Variants in KCTD13 observed in about 807,000 individuals in gnomAD.
The protein encoded by KCTD13 is BTB/POZ domain-containing adapter for CUL3-mediated RhoA degradation protein 1.
KCTD13 carries 15 observed loss-of-function variants against 32.3 expected under a neutral mutation model. The observed-to-expected ratio is 0.46, with a 90% CI of 0.31 to 0.71. The LOEUF is 0.71. KCTD13 is among the 30% of genes least tolerant of loss of function. KCTD13 has a pLI of 0.05. For missense variants in KCTD13, 337 were observed against 452.6 expected, an observed-to-expected ratio of 0.74 and a Z score of 2.32; for synonymous variants, 189 against 200.1, an observed-to-expected ratio of 0.94 and a Z score of 0.47.
chr16:29,919,115 A>G (rs1443918579), intron 2 of KCTD13, among the ~76,000 whole-genome samples: 3 of 152,292 alleles, frequency 2.0e-5, no homozygotes, highest in East Asian at 1.9e-4. Flanking sequence ...TTTAAAATCT[A>G]CAGTCTGGTT....
chr16:29,924,720 CTT>C (rs1214482858), intron 1 of KCTD13, among the ~76,000 whole-genome samples: 12 of 135,914 alleles, frequency 8.8e-5, no homozygotes, highest in Admixed American at 1.5e-4. Flanking sequence ...GAATTCTTCC[CTT>C]TTTTTTTTTT....
chr16:29,923,036 G>C (rs1339817801), intron 2 of KCTD13, 154 bp downstream of exon 2: 1 of 765,734 alleles, frequency 1.3e-6, no homozygotes, highest in African/African-American at 1.8e-5. Context: ...TGAGGCGGCA[G>C]GGATGCAGAA....
intron 2 of KCTD13, among the ~76,000 whole-genome samples, chr16:29,916,018 G>C (rs2150839637): frequency 6.6e-6 from 1 of 152,200 alleles, no homozygotes; most frequent in South Asian, 2.1e-4. Context: ...GCAGCAAGAA[G>C]CCAGGTGGCA....
At chr16:29,910,397 AAATAAT>A (rs142518050) in intron 5 of KCTD13, among the ~76,000 whole-genome samples, 3,597 of 151,348 alleles carry the variant, frequency 0.024, 129 homozygotes, top group African/African-American at 0.083. Context: ...ACTCCATCTC[AAATAAT>A]AATAATAATA....
At position 29,906,523 on chromosome 16, in the gene KCTD13, T is replaced by G; in HGVS notation, c.*349A>C. On this transcript the variant is annotated 3_prime_UTR_variant, in exon 6 of 6. Transcript: ENST00000568000. ...AGGACGCGGGAGGCTGCTCAGACTGTGGTGATGTCAGGAAGGGCCGCACAC... is the reference window on the plus strand; with the variant it reads ...AGGACGCGGGAGGCTGCTCAGACTGGGGTGATGTCAGGAAGGGCCGCACAC... 2.1e-6 allele frequency: 1 copy of G among 481,720 alleles called. No homozygotes were observed. 29.8% of individuals were successfully genotyped at this position (481,720 alleles called of 1,614,324 possible). A position where few individuals can be genotyped will look rare whatever the true frequency, so the allele number is the denominator to read the frequency against.
chr16:29,924,745 G>GTCTC (rs1289466870), intron 1 of KCTD13, among the ~76,000 whole-genome samples: 1 of 137,274 alleles, frequency 7.3e-6, no homozygotes, highest in Non-Finnish European at 1.5e-5. Flanking sequence ...TTTTGAGACA[G>GTCTC]TCTCTCTCTG....
In KCTD13 at chr16:29,906,635, G is replaced by A. The variant is rs553690256; in HGVS notation, c.*237C>T. The A allele has an allele frequency of 6.9e-5, 46 of 668,034 alleles. 2 individuals carry two copies. The highest frequency in any genetic ancestry group is 6.6e-4 in the South Asian group (44 of 66,394). The allele number at this position is 668,034 out of a possible 1,614,324, so 41.4% of individuals were successfully genotyped here. A position where few individuals can be genotyped will look rare whatever the true frequency, so the allele number is the denominator to read the frequency against. On this transcript the variant is annotated 3_prime_UTR_variant, in exon 6 of 6. Coordinates refer to ENST00000568000, the MANE Select transcript of KCTD13 (RefSeq NM_178863.5). The stretch of plus-strand genomic sequence containing the variant: ...GGAGAGGGAAGGACGCAGGGCCAGG[G>A]TGGGGACAAGTGTTGGCTTCGGAAG...
chr16:29,912,094 C>T (rs371270295), intron 2 of KCTD13, 45 bp from the exon 3 acceptor site: 41 of 1,307,082 alleles, frequency 3.1e-5, no homozygotes, highest in Middle Eastern at 1.8e-4. Flanking sequence ...CCAAAGGCCA[C>T]GTACTCCCCC....
rs558675228 is a variant in KCTD13 at position 29,912,117 on chromosome 16, T to G, written c.415-68A>C. On this transcript the variant is annotated intron_variant, in intron 2 of 5. Transcript: ENST00000568000. ...CACGTACTCCCCCACTTAAAAGCCTTCAAAAGCTGGTTGGGAACAACTCCA... is the reference window on the plus strand; with the variant it reads ...CACGTACTCCCCCACTTAAAAGCCTGCAAAAGCTGGTTGGGAACAACTCCA... 183 of 1,120,480 alleles carry G rather than the reference T, an allele frequency of 1.6e-4. 2 individuals are homozygous for G. In the African/African-American group the frequency reaches 2.2e-3, roughly 14 times the overall value. The allele number at this position is 1,120,480 out of a possible 1,614,324, so 69.4% of individuals were successfully genotyped here.
chr16:29,911,601 T>G, intron 4 of KCTD13: 1 of 603,468 alleles, frequency 1.7e-6, no homozygotes, highest in Non-Finnish European at 2.9e-6. Flanking sequence ...TATCACTTTG[T>G]CCTCACCCAA....
Position 29,926,188 on chromosome 16 carries a change from A to G in KCTD13, c.-155T>C, listed in dbSNP as rs958590053. 5.7e-5 allele frequency: 50 copies of G among 884,102 alleles called. No individual in the cohort carries two copies. Among genetic ancestry groups the G allele is most frequent in the Non-Finnish European group, 7.4e-5 (47 of 637,858 alleles). 54.8% of individuals were successfully genotyped at this position (884,102 alleles called of 1,614,324 possible). A position where few individuals can be genotyped will look rare whatever the true frequency, so the allele number is the denominator to read the frequency against. ...CTCTGCAAGACCGGCCCTCCGCCCC[A>G]TCTCGCTCGCACCACCCGGAAGCCG... On this transcript the variant is annotated 5_prime_UTR_variant, in exon 1 of 6. It removes an upstream start codon present in the reference 5' UTR. Coordinates refer to ENST00000568000, the MANE Select transcript of KCTD13 (RefSeq NM_178863.5).
chr16:29,922,730 G>T, intron 2 of KCTD13: 1 of 346,766 alleles, frequency 2.9e-6, no homozygotes, highest in East Asian at 4.4e-5. Flanking sequence ...AAAAAAAAAA[G>T]AATTAGAAAG....
At chr16:29,909,954 C>A (rs2068676611) in intron 5 of KCTD13, among the ~76,000 whole-genome samples, 2 of 151,876 alleles carry the variant, frequency 1.3e-5, no homozygotes, top group South Asian at 4.2e-4. Flanking sequence ...CAAAAATTAG[C>A]CGGGCATGGA....
Position 29,911,690 on chromosome 16 carries a change from G to C in KCTD13, c.557+125C>G, listed in dbSNP as rs544369227. ...AGCGTCAGGGGTAAGAGGCGAAGCC[G>C]AATCTGCGAGCAGGCACAGATGTTC... On this transcript the variant is annotated intron_variant, in intron 4 of 5. Transcript: ENST00000568000. The C allele has an allele frequency of 4.0e-6, 4 of 1,007,986 alleles. No homozygotes were observed. In the Admixed American group the frequency reaches 6.7e-5, roughly 17 times the overall value. 62.4% of individuals were successfully genotyped at this position (1,007,986 alleles called of 1,614,324 possible). A position where few individuals can be genotyped will look rare whatever the true frequency, so the allele number is the denominator to read the frequency against.
chr16:29,907,114 A>T lies in KCTD13; in HGVS notation c.754-6T>A. 1 of 1,595,572 alleles carries T rather than the reference A, an allele frequency of 6.3e-7. No individual in the cohort carries two copies. Among genetic ancestry groups the T allele is most frequent in the East Asian group, 2.2e-5 (1 of 44,514 alleles). On this transcript the variant is annotated splice_polypyrimidine_tract_variant and splice_region_variant and intron_variant, in intron 5 of 5. Transcript: ENST00000568000. ...CGGGCCTCTGGAAATTCCACCTGCA[A>T]AAGGCCAGCCGGCCCCAGCTCCTTC... is the stretch of plus-strand genomic sequence containing the variant.
At chr16:29,920,946 G>C (rs1030133404) in intron 2 of KCTD13, 4 of 152,178 alleles carry the variant, frequency 2.6e-5, no homozygotes, top group Non-Finnish European at 5.9e-5. Context: ...GATGCTCATG[G>C]TGACACGGTT....
chr16:29,907,034 G>A lies in KCTD13; in HGVS notation c.828C>T (p.Asp276=), dbSNP rs764560137. 2.5e-6 allele frequency: 4 copies of A among 1,614,110 alleles called. No individual in the cohort carries two copies. Among genetic ancestry groups the A allele is most frequent in the Admixed American group, 3.3e-5 (2 of 60,028 alleles). The change falls in exon 6 of 6, where the codon GAC becomes GAT. Residue 276 remains aspartate (D), a synonymous_variant. Coordinates refer to ENST00000568000, the MANE Select transcript of KCTD13 (RefSeq NM_178863.5). ...CCCCTGTGGCCTCCAGGAGGGCTGG[G>A]TCTGGGCCCCGGGGAGTCTCGTAGA... ...ILIYETPRGP[D]PALLEATGGA... is the part of the protein sequence containing the mutation.
intron 5 of KCTD13, among the ~76,000 whole-genome samples, chr16:29,909,835 C>T (rs977904562): frequency 1.3e-5 from 2 of 151,220 alleles, no homozygotes; most frequent in Non-Finnish European, 1.5e-5. Context: ...TTTGGGAGGC[C>T]GAGGAGGGCA....
Position 29,906,542 on chromosome 16 carries a change from C to T in KCTD13, c.*330G>A, listed in dbSNP as rs753921373. On this transcript the variant is annotated 3_prime_UTR_variant, in exon 6 of 6. Coordinates refer to ENST00000568000, the MANE Select transcript of KCTD13 (RefSeq NM_178863.5). Reference sequence around the variant, plus strand: ...AGACTGTGGTGATGTCAGGAAGGGCCGCACACTTTGGCATGGACGATGCAC... The same window carrying T: ...AGACTGTGGTGATGTCAGGAAGGGCTGCACACTTTGGCATGGACGATGCAC... 75 of 493,734 alleles carry T rather than the reference C, an allele frequency of 1.5e-4. No homozygotes were observed. Among genetic ancestry groups the T allele is most frequent in the Middle Eastern group, 3.0e-4 (1 of 3,290 alleles). 30.6% of individuals were successfully genotyped at this position (493,734 alleles called of 1,614,324 possible). A position where few individuals can be genotyped will look rare whatever the true frequency, so the allele number is the denominator to read the frequency against.
Sources: allele counts gnomAD v4.1 joint callset (sites outside exome capture counted in the v4.1 genomes callset), GRCh38; gene constraint gnomAD v4.1.1; transcripts MANE v1.5; gene names NCBI Gene and HGNC (gene_info 2026-07-23, HGNC 2026-07-21).